KLHL29: variants seen among roughly 807,000 people sequenced by gnomAD.
KLHL29 encodes kelch-like protein 29.
A neutral mutation model predicts 80.4 loss-of-function variants in KLHL29; 21 were observed. The observed-to-expected ratio is 0.26, with a 90% confidence interval of 0.19 to 0.38. The LOEUF is 0.38. KLHL29 is among the 10% of genes least tolerant of loss of function. The probability of loss-of-function intolerance (pLI) is 1.00; values close to 1 mark genes in which losing one functional copy is unlikely to be tolerated. For missense variants in KLHL29, 867 were observed against 1,223.9 expected (o/e 0.71, Z 4.35); for synonymous variants, 511 against 526.8 (o/e 0.97, Z 0.41).
At chr2:23,634,043 C>A (rs1669544201) in intron 3 of KLHL29, among the ~76,000 whole-genome samples, 1 of 152,150 alleles carries the variant, frequency 6.6e-6, no homozygotes, top group Admixed American at 6.5e-5. Flanking sequence ...GCCTGTGTGA[C>A]CCCCACGGCT....
chr2:23,545,308 C>T (rs1188105780), intron 2 of KLHL29, among the ~76,000 whole-genome samples: 1 of 152,230 alleles, frequency 6.6e-6, no homozygotes, highest in African/African-American at 2.4e-5. Context: ...CCACTTCCCC[C>T]AAGTGGCCTT....
At chr2:23,448,229 G>C (rs948287997) in intron 1 of KLHL29, among the ~76,000 whole-genome samples, 1 of 151,960 alleles carries the variant, frequency 6.6e-6, no homozygotes, top group Admixed American at 6.6e-5. Context: ...GTCAATTGCA[G>C]GTGCTCTGAC....
In KLHL29 at chr2:23,465,427, A is replaced by G. The variant is rs530861229; in HGVS notation, c.-153-10133A>G. On this transcript the variant is annotated intron_variant, in intron 1 of 13. Transcript: ENST00000486442. The stretch of plus-strand genomic sequence containing the variant: ...GCAGGCTGGAGGTGTGGGGGCATTC[A>G]TACTGCAGAAACAGCCCTCTATCAG... Among the ~76,000 whole-genome samples, 40 of 152,296 alleles carry G rather than the reference A, an allele frequency of 2.6e-4. 1 individual carries two copies. The East Asian group carries it at 4.4e-3, about 17-fold the overall frequency.
chr2:23,657,416 A>C (rs1446986207), intron 5 of KLHL29, among the ~76,000 whole-genome samples: 1 of 152,242 alleles, frequency 6.6e-6, no homozygotes, highest in African/African-American at 2.4e-5. Context: ...GGCAAAGCCC[A>C]CTACTTCTAT....
chr2:23,662,320 C>T (rs1218359732), intron 5 of KLHL29, among the ~76,000 whole-genome samples: 1 of 152,220 alleles, frequency 6.6e-6, no homozygotes, highest in Non-Finnish European at 1.5e-5. Flanking sequence ...GCCCACCAAC[C>T]ATAGGAAATT....
In KLHL29 at chr2:23,691,886, G is replaced by A. The variant is rs992398374; in HGVS notation, c.1282+10G>A. 1.9e-6 allele frequency: 3 copies of A among 1,547,296 alleles called. No individual in the cohort carries two copies. Among genetic ancestry groups the A allele is most frequent in the Non-Finnish European group, 2.6e-6 (3 of 1,146,880 alleles). Reference sequence around the variant, plus strand: ...TGCGTGTCCTTTCTCGGTGAGCCCGGGGGCCACATATGTCGCTTGGGGGGA... The same window carrying A: ...TGCGTGTCCTTTCTCGGTGAGCCCGAGGGCCACATATGTCGCTTGGGGGGA... On this transcript the variant is annotated intron_variant, in intron 7 of 13. Transcript: ENST00000486442.
chr2:23,470,720 C>T lies in KLHL29; in HGVS notation c.-153-4840C>T, dbSNP rs76324842. On this transcript the variant is annotated intron_variant, in intron 1 of 13. Transcript: ENST00000486442. ...GAAAATAACGGATCTCATCAGTGGCCAATTGTGGCTCCTTAATGGAATAGG... is the reference window on the plus strand; with the variant it reads ...GAAAATAACGGATCTCATCAGTGGCTAATTGTGGCTCCTTAATGGAATAGG... Among the ~76,000 whole-genome samples the T allele has an allele frequency of 2.1e-3, 324 of 152,304 alleles. 2 individuals are homozygous for T. Among genetic ancestry groups the T allele is most frequent in the Non-Finnish European group, 3.4e-3 (229 of 68,030 alleles).
chr2:23,469,805 G>A (rs1664445743), intron 1 of KLHL29, among the ~76,000 whole-genome samples: 4 of 152,134 alleles, frequency 2.6e-5, no homozygotes. Context: ...CTGTGGGTGA[G>A]TCAAGCTTTG....
chr2:23,414,986 T>A (rs1666950628), intron 1 of KLHL29, among the ~76,000 whole-genome samples: 1 of 152,184 alleles, frequency 6.6e-6, no homozygotes, highest in African/African-American at 2.4e-5. Context: ...AGAACCAGGC[T>A]CAGAGGCCAC....
At chr2:23,657,474 T>G (rs1235333604) in intron 5 of KLHL29, among the ~76,000 whole-genome samples, 2 of 152,206 alleles carry the variant, frequency 1.3e-5, no homozygotes, top group African/African-American at 4.8e-5. Flanking sequence ...AAGAAATAAT[T>G]GCAGTCTGTA....
chr2:23,433,355 C>G (rs969855962), intron 1 of KLHL29, among the ~76,000 whole-genome samples: 2 of 152,200 alleles, frequency 1.3e-5, no homozygotes, highest in African/African-American at 4.8e-5. Context: ...TGGAGGAGGC[C>G]AAGCCTGGGC....
At chr2:23,512,960 G>A (rs1665817143) in intron 2 of KLHL29, among the ~76,000 whole-genome samples, 1 of 152,260 alleles carries the variant, frequency 6.6e-6, no homozygotes, top group Non-Finnish European at 1.5e-5. Context: ...CAGTCCCTGG[G>A]GGCACACAGG....
chr2:23,613,763 CAAAAAA>C (rs1157736706), intron 3 of KLHL29, among the ~76,000 whole-genome samples: 12 of 63,718 alleles, frequency 1.9e-4, no homozygotes, highest in African/African-American at 4.4e-4. Flanking sequence ...GACTCCATCT[CAAAAAA>C]AAAAAAAAAA....
chr2:23,405,245 C>T (rs1049706785), intron 1 of KLHL29, among the ~76,000 whole-genome samples: 9 of 151,882 alleles, frequency 5.9e-5, no homozygotes, highest in Non-Finnish European at 1.0e-4. Context: ...TTTTTCAACT[C>T]CATTTTTTCT....
At chr2:23,551,417 G>A (rs1187879194) in intron 2 of KLHL29, among the ~76,000 whole-genome samples, 1 of 152,150 alleles carries the variant, frequency 6.6e-6, no homozygotes, top group East Asian at 1.9e-4. Flanking sequence ...GGGAAGGGAG[G>A]GAAATGGGAG....
chr2:23,701,979 ATTT>A (rs70941587), intron 11 of KLHL29, among the ~76,000 whole-genome samples: 84 of 144,578 alleles, frequency 5.8e-4, no homozygotes, highest in Admixed American at 6.1e-4. Flanking sequence ...TGCCCAGCTA[ATTT>A]TTTTTTTTTT....
At chr2:23,685,966 G>C (rs1671240114) in intron 6 of KLHL29, among the ~76,000 whole-genome samples, 1 of 152,254 alleles carries the variant, frequency 6.6e-6, no homozygotes. Context: ...GCTAGAACGT[G>C]GTGGGTGAGA....
intron 5 of KLHL29, among the ~76,000 whole-genome samples, chr2:23,653,505 C>T (rs549018159): frequency 1.3e-5 from 2 of 152,298 alleles, no homozygotes; most frequent in East Asian, 3.9e-4. Context: ...ACCGGGAGCC[C>T]TCTGTACTCA....
At chr2:23,499,279 GT>G in intron 2 of KLHL29, among the ~76,000 whole-genome samples, 1 of 152,220 alleles carries the variant, frequency 6.6e-6, no homozygotes, top group South Asian at 2.1e-4. Context: ...CAGTGGAATG[GT>G]TTAGAGCAGC....
Sources: gnomAD v4.1 joint callset for allele counts (sites outside exome capture counted in the v4.1 genomes callset) on GRCh38, gnomAD v4.1.1 for gene constraint, MANE v1.5 for transcripts, NCBI Gene and HGNC (gene_info 2026-07-23, HGNC 2026-07-21) for gene names.